Variants in MED14 observed in about 807,000 individuals in gnomAD.
MED14 encodes mediator of RNA polymerase II transcription subunit 14.
MED14 carries 8 observed loss-of-function variants against 109.0 expected under a neutral mutation model. The observed-to-expected ratio is 0.07, with a 90% confidence interval of 0.04 to 0.13. The LOEUF is 0.13. MED14 is among the 10% of genes least tolerant of loss of function. The pLI, the probability that MED14 is intolerant of heterozygous loss-of-function variation, is 1.00. For missense variants in MED14, 711 were observed against 1,142.4 expected (o/e 0.62, Z 5.44); for synonymous variants, 399 against 408.7 (o/e 0.98, Z 0.29).
chrX:40,683,046 A>G, intron 16 of MED14, 50 bp from the exon 17 acceptor site: 1 of 1,020,888 alleles, frequency 9.8e-7, no homozygotes, highest in Non-Finnish European at 1.3e-6. Context: ...GACAAAGCAC[A>G]ATGTACACAA....
At chrX:40,727,754 T>A (rs1931938811) in intron 2 of MED14, among the ~76,000 whole-genome samples, 1 of 111,567 alleles carries the variant, frequency 9.0e-6, no homozygotes, top group Non-Finnish European at 1.9e-5. Flanking sequence ...CTCTGACCTA[T>A]TAATCTTAGT....
At chrX:40,663,731 A>G (rs1258550405) in intron 25 of MED14, among the ~76,000 whole-genome samples, 1 of 112,769 alleles carries the variant, frequency 8.9e-6, no homozygotes, top group African/African-American at 3.2e-5. Context: ...TAACAATCAT[A>G]TATTGTTTTA....
At chrX:40,696,961 C>T in intron 13 of MED14, 63 bp downstream of exon 13, 1 of 920,116 alleles carries the variant, frequency 1.1e-6, no homozygotes, top group Non-Finnish European at 1.5e-6. Flanking sequence ...AACAATAAGT[C>T]ATTCAAGATA....
intron 12 of MED14, among the ~76,000 whole-genome samples, chrX:40,698,487 T>G (rs911968353): frequency 8.9e-6 from 1 of 112,288 alleles, no homozygotes; most frequent in Admixed American, 9.4e-5. Flanking sequence ...ATGTACACAG[T>G]TTCTATAATT....
chrX:40,690,333 T>C (rs1449371619), intron 15 of MED14, among the ~76,000 whole-genome samples: 2 of 111,494 alleles, frequency 1.8e-5, no homozygotes, highest in African/African-American at 3.3e-5. Flanking sequence ...TTTCACACCT[T>C]ATCCTCTGCC....
Position 40,666,616 on chromosome X carries a change from TCCTCAATAAACAAG to T in MED14, c.3265+90_3265+103del, listed in dbSNP as rs1407875398. ...TTGCTTGAGCAATATTTTTGCTACT[TCCTCAATAAACAAG>T]TATTAATTTTGCAATGAAAAAATTT... On this transcript the variant is annotated intron_variant, in intron 24 of 30. Transcript: ENST00000324817. 5.6e-6 allele frequency: 5 copies of T among 886,670 alleles called. No individual in the cohort carries two copies. The East Asian group carries it at 1.7e-4, about 30-fold the overall frequency. 73.1% of individuals were successfully genotyped at this position (886,670 alleles called of 1,213,427 possible).
intron 9 of MED14, 46 bp from the exon 10 acceptor site, chrX:40,709,505 T>TGAA: frequency 1.4e-6 from 1 of 690,801 alleles, no homozygotes; most frequent in Non-Finnish European, 2.1e-6. Context: ...TTTAAACATT[T>TGAA]TTACTTTAAA....
In MED14 at chrX:40,691,603, TAA is replaced by T. The variant is rs751092737; in HGVS notation, c.1980+578_1980+579del. ...CACTCAGCCTGTCCACTTTTTCTTT[TAA>T]TCTTTTTTTTTTTTTTTTTTTTTGG... On this transcript the variant is annotated intron_variant, in intron 15 of 30. Transcript: ENST00000324817. 1.1e-4 allele frequency among the ~76,000 whole-genome samples: 9 copies of T among 84,853 alleles called. No individual in the cohort carries two copies. The East Asian group carries it at 3.6e-3, about 34-fold the overall frequency. 73.7% of individuals were successfully genotyped at this position (84,853 alleles called of 115,157 possible).
Position 40,671,898 on chromosome X carries a change from G to C in MED14, c.3096C>G (p.Val1032=). 8.3e-7 allele frequency: 1 copy of C among 1,205,108 alleles called. No individual in the cohort carries two copies. Among genetic ancestry groups the C allele is most frequent in the Non-Finnish European group, 1.1e-6 (1 of 890,680 alleles). Residue 1032 remains valine, a synonymous_variant, in exon 23 of 31, where the codon GTC becomes GTG. Coordinates refer to ENST00000324817, the MANE Select transcript of MED14 (RefSeq NM_004229.4). ...TGTGCATCATTGAGGGAGACTGATT[G>C]ACTGTGCTATGATAAGATGTAGGGG... The part of the protein sequence containing the change: ...TSPPTSYHST[V]NQSPSMMHTQ...
intron 15 of MED14, among the ~76,000 whole-genome samples, chrX:40,689,060 T>A (rs1266708404): frequency 1.8e-5 from 2 of 112,477 alleles, no homozygotes; most frequent in Non-Finnish European, 3.7e-5. Flanking sequence ...ATTAAAGGAT[T>A]CAGAAAGCAA....
At position 40,661,152 on chromosome X, in the gene MED14, G is replaced by A. The variant is rs1274660555; in HGVS notation, c.3685-1545C>T. Among the ~76,000 whole-genome samples, 4 of 112,511 alleles carry A rather than the reference G, an allele frequency of 3.6e-5. No homozygotes were observed. The East Asian group carries it at 1.1e-3, about 31-fold the overall frequency. Reference sequence around the variant, plus strand: ...GCTGGAGTGCAGTGGCACGATCTCGGCTCACTGCAACCTCTGCCTCCCGGG... The same window carrying A: ...GCTGGAGTGCAGTGGCACGATCTCGACTCACTGCAACCTCTGCCTCCCGGG... On this transcript the variant is annotated intron_variant, in intron 26 of 30. Transcript: ENST00000324817.
intron 30 of MED14, among the ~76,000 whole-genome samples, chrX:40,653,135 A>C (rs191056021): frequency 8.9e-6 from 1 of 112,432 alleles, no homozygotes; most frequent in Non-Finnish European, 1.9e-5. Context: ...AAATTCCACA[A>C]GACATAATAC....
At chrX:40,653,304 A>G (rs1390277779) in intron 30 of MED14, among the ~76,000 whole-genome samples, 1 of 111,866 alleles carries the variant, frequency 8.9e-6, no homozygotes, top group African/African-American at 3.2e-5. Flanking sequence ...CAAAGGATGA[A>G]AGCAGAAAAT....
At chrX:40,673,577 T>C (rs1468039142) in intron 22 of MED14, among the ~76,000 whole-genome samples, 1 of 111,822 alleles carries the variant, frequency 8.9e-6, no homozygotes, top group Non-Finnish European at 1.9e-5. Context: ...TGTCAAATTA[T>C]GATTTTTTTC....
In MED14 at chrX:40,682,647, G is replaced by A; in HGVS notation, c.2321C>T (p.Ala774Val). 4 of 1,195,200 alleles carry A rather than the reference G, an allele frequency of 3.3e-6. No individual in the cohort carries two copies. Among genetic ancestry groups the A allele is most frequent in the Non-Finnish European group, 4.5e-6 (4 of 886,071 alleles). Residue 774 changes from alanine to valine, a missense_variant, in exon 18 of 31, where the codon GCA (alanine) becomes GTA (valine). Physicochemically the swap from Ala to Val is moderately conservative, Grantham distance 64 (BLOSUM62 0). This residue lies in a region of MED14 where 388 missense variants were observed against 517.3 expected (regional missense o/e 0.75). Coordinates refer to ENST00000324817, the MANE Select transcript of MED14 (RefSeq NM_004229.4). ...EMFLNDWNSI[A>V]RLYECVLEFA... Reference sequence around the variant, plus strand: ...TTCCAACACACACTCATATAATCGTGCAATGCTATTCCAGTCATTAAGAAA... The same window carrying A: ...TTCCAACACACACTCATATAATCGTACAATGCTATTCCAGTCATTAAGAAA...
chrX:40,660,024 C>T (rs1929203865), intron 26 of MED14, among the ~76,000 whole-genome samples: 1 of 111,965 alleles, frequency 8.9e-6, no homozygotes, highest in South Asian at 3.6e-4. Context: ...GGTTCTGATT[C>T]AAAGTGTAAA....
chrX:40,700,922 G>A (rs1231069173), intron 12 of MED14, among the ~76,000 whole-genome samples: 1 of 111,625 alleles, frequency 9.0e-6, no homozygotes, highest in Admixed American at 9.5e-5. Context: ...AATGTGGTAA[G>A]GGATGAAAGC....
chrX:40,692,945 T>C, intron 13 of MED14, 43 bp from the exon 14 acceptor site: 2 of 999,304 alleles, frequency 2.0e-6, no homozygotes, highest in Non-Finnish European at 2.6e-6. Context: ...AAATAAGAAG[T>C]GTCAGATATT....
At chrX:40,655,609 C>T (rs189517851) in intron 28 of MED14, among the ~76,000 whole-genome samples, 1 of 112,336 alleles carries the variant, frequency 8.9e-6, no homozygotes, top group Non-Finnish European at 1.9e-5. Flanking sequence ...GTCCTGTTTC[C>T]AACTCTTTGC....
Sources: gnomAD v4.1 joint callset for allele counts (sites outside exome capture counted in the v4.1 genomes callset) on GRCh38, gnomAD v4.1.1 for gene constraint, gnomAD v4.1.1 regional missense constraint, MANE v1.5 for transcripts, NCBI Gene and HGNC (gene_info 2026-07-23, HGNC 2026-07-21) for gene names.